Variants in ACP6 observed in about 807,000 individuals in gnomAD.
The protein encoded by ACP6 is lysophosphatidic acid phosphatase type 6.
ACP6 carries 48 observed loss-of-function variants against 48.1 expected under a neutral mutation model. That is an observed-to-expected ratio of 1.00 (90% CI 0.79 to 1.27). ACP6 has a LOEUF of 1.27. Among genes scored for constraint, ACP6 ranks in the 50% most tolerant of loss-of-function variants. The probability of loss-of-function intolerance (pLI) is 0.00; values close to 1 mark genes in which losing one functional copy is unlikely to be tolerated. For missense variants in ACP6, 485 were observed against 529.1 expected, an observed-to-expected ratio of 0.92 and a Z score of 0.82; for synonymous variants, 172 against 204.2, an observed-to-expected ratio of 0.84 and a Z score of 1.34.
At chr1:147,667,728 C>T (rs1488807947) in intron 1 of ACP6, among the ~76,000 whole-genome samples, 6 of 152,068 alleles carry the variant, frequency 3.9e-5, no homozygotes, top group African/African-American at 7.2e-5. Context: ...TGCTGGCTCA[C>T]GCCTGTAATC....
At chr1:147,634,187 A>G (rs782649150) in intron 5 of ACP6, among the ~76,000 whole-genome samples, 1 of 152,138 alleles carries the variant, frequency 6.6e-6, no homozygotes, top group Admixed American at 6.5e-5. Context: ...TTTGGTTTGC[A>G]TTTCTCTGAT....
chr1:147,641,108 G>A (rs1553208583), downstream of ACP6, among the ~76,000 whole-genome samples: 1 of 151,918 alleles, frequency 6.6e-6, no homozygotes, highest in African/African-American at 2.4e-5. Flanking sequence ...TCCCCCCACA[G>A]CCCGCCCAGC....
At position 147,648,327 on chromosome 1, in the gene ACP6, C is replaced by T. The variant is rs782743074; in HGVS notation, c.1062G>A (p.Pro354=). 14 of 1,614,026 alleles carry T rather than the reference C, an allele frequency of 8.7e-6. No individual in the cohort carries two copies. Among genetic ancestry groups the T allele is most frequent in the South Asian group, 4.4e-5 (4 of 91,086 alleles). The change falls in exon 9 of 10, where the codon CCG becomes CCA. Residue 354 remains proline, a synonymous_variant. Coordinates refer to ENST00000583509, the MANE Select transcript of ACP6 (RefSeq NM_016361.5). ...TLGIFDHKWP[P]FAVDLTMELY... ...GTTCCATGGTCAGGTCAACAGCAAA[C>T]GGTGGCCATTTGTGGTCAAAAATCC...
chr1:147,658,845 C>T, intron 4 of ACP6, 115 bp downstream of exon 4: 1 of 979,032 alleles, frequency 1.0e-6, no homozygotes, highest in Non-Finnish European at 1.5e-6. Context: ...CTGGAAGTCA[C>T]ACATGCAGGA....
chr1:147,653,895 C>T (rs1660088513), intron 6 of ACP6, among the ~76,000 whole-genome samples: 2 of 152,194 alleles, frequency 1.3e-5, no homozygotes, highest in African/African-American at 4.8e-5. Flanking sequence ...TTTTTAGACC[C>T]TACTCATCCC....
At chr1:147,666,590 G>T (rs1660808019) in intron 1 of ACP6, among the ~76,000 whole-genome samples, 1 of 152,146 alleles carries the variant, frequency 6.6e-6, no homozygotes, top group Non-Finnish European at 1.5e-5. Context: ...ACCGCATTTG[G>T]ATTATCCCCC....
intron 4 of ACP6, among the ~76,000 whole-genome samples, chr1:147,656,854 C>T (rs889141075): frequency 6.6e-6 from 1 of 152,054 alleles, no homozygotes; most frequent in Admixed American, 6.6e-5. Flanking sequence ...AAGAACAATA[C>T]AAAATAACAC....
chr1:147,647,207 C>T lies in ACP6; in HGVS notation c.*216G>A. The T allele has an allele frequency of 1.8e-6, 1 of 549,610 alleles. No homozygotes were observed. Among genetic ancestry groups the T allele is most frequent in the Middle Eastern group, 5.0e-4 (1 of 1,994 alleles). 34.0% of individuals were successfully genotyped at this position (549,610 alleles called of 1,614,324 possible). On this transcript the variant is annotated 3_prime_UTR_variant, in exon 10 of 10. Transcript: ENST00000583509. ...CAAAGATGCTTCTAACCTTAGAAACCAACTCACAAAATAGAGAAATATCCT... is the reference window on the plus strand; with the variant it reads ...CAAAGATGCTTCTAACCTTAGAAACTAACTCACAAAATAGAGAAATATCCT...
At chr1:147,631,611 C>T (rs1015863281) in intron 5 of ACP6, among the ~76,000 whole-genome samples, 16 of 152,070 alleles carry the variant, frequency 1.1e-4, no homozygotes, top group Non-Finnish European at 2.4e-4. Flanking sequence ...GTCAAGAGAT[C>T]GAGACCATCC....
chr1:147,653,213 C>T (rs1466288676), intron 6 of ACP6, among the ~76,000 whole-genome samples: 5 of 151,752 alleles, frequency 3.3e-5, no homozygotes, highest in African/African-American at 9.7e-5. Context: ...TCACTGCAAC[C>T]CCTGCCTCCC....
intron 9 of ACP6, chr1:147,647,783 AAG>A (rs1216575773): frequency 3.1e-6 from 2 of 650,824 alleles, no homozygotes; most frequent in African/African-American, 1.8e-5. Context: ...ACTGGGAAGA[AAG>A]AGTCGAGTTA....
downstream of ACP6, among the ~76,000 whole-genome samples, chr1:147,638,177 G>A (rs7524653): frequency 7.9e-3 from 1,201 of 152,314 alleles, 16 homozygotes; most frequent in African/African-American, 0.027. Flanking sequence ...TGCAGAGAAG[G>A]TTACAAGGGA....
Position 147,646,893 on chromosome 1 carries a change from T to C in ACP6, c.*530A>G, listed in dbSNP as rs1659642389. 1.3e-5 allele frequency: 2 copies of C among 154,308 alleles called. No individual in the cohort carries two copies. The highest frequency in any genetic ancestry group is 3.8e-4 in the East Asian group (2 of 5,230). 9.6% of individuals were successfully genotyped at this position (154,308 alleles called of 1,614,324 possible). A position where few individuals can be genotyped will look rare whatever the true frequency, so the allele number is the denominator to read the frequency against. On this transcript the variant is annotated 3_prime_UTR_variant, in exon 10 of 10. Transcript: ENST00000583509. ...GCCAGGACTTTTTCAGAAGCCTTCC[T>C]TGACTGTTCCCCACATCCCCTGCCA...
At chr1:147,652,716 G>A (rs1475773835) in intron 6 of ACP6, 167 bp from the exon 7 acceptor site, 2 of 1,411,396 alleles carry the variant, frequency 1.4e-6, no homozygotes, top group Admixed American at 3.9e-5. Flanking sequence ...TGTCTCTAAA[G>A]CTCTTCCAAA....
downstream of ACP6, among the ~76,000 whole-genome samples, chr1:147,640,791 C>T (rs782674544): frequency 7.2e-5 from 11 of 152,298 alleles, no homozygotes; most frequent in Middle Eastern, 3.4e-3. Context: ...AAACGGAGAG[C>T]GGAATCCTGA....
intron 4 of ACP6, among the ~76,000 whole-genome samples, chr1:147,655,619 T>C (rs935634937): frequency 1.3e-5 from 2 of 152,118 alleles, no homozygotes; most frequent in African/African-American, 4.8e-5. Context: ...TAATAAATAA[T>C]AGTGTTATCA....
intron 5 of ACP6, among the ~76,000 whole-genome samples, chr1:147,633,130 T>A (rs1659212668): frequency 6.6e-6 from 1 of 152,166 alleles, no homozygotes; most frequent in South Asian, 2.1e-4. Flanking sequence ...ATTTAGAAAA[T>A]TCTGCCGCCT....
At chr1:147,666,431 A>G (rs1379519756) in intron 1 of ACP6, among the ~76,000 whole-genome samples, 1 of 152,220 alleles carries the variant, frequency 6.6e-6, no homozygotes, top group Non-Finnish European at 1.5e-5. Context: ...ACTACATTCC[A>G]GGTAAAAGAA....
In ACP6 at chr1:147,652,499, G is replaced by A. The variant is rs782379115; in HGVS notation, c.831C>T (p.Ile277=). The change falls in exon 7 of 10, where the codon ATC becomes ATT. Residue 277 remains isoleucine (I), a synonymous_variant. Coordinates refer to ENST00000583509, the MANE Select transcript of ACP6 (RefSeq NM_016361.5). ...CPMLKRFARM[I]EQRAVDTSLY... is the part of the protein sequence containing the mutation. The stretch of plus-strand genomic sequence containing the variant: ...AGGATGTGTCCACAGCTCTCTGTTC[G>A]ATCATCCTTGCAAATCTCTTCAGCA... 25 of 1,614,066 alleles carry A rather than the reference G, an allele frequency of 1.5e-5. No homozygotes were observed. The highest frequency in any genetic ancestry group is 2.2e-5 in the East Asian group (1 of 44,862).
Sources: gnomAD v4.1 joint callset for allele counts (sites outside exome capture counted in the v4.1 genomes callset) on GRCh38, gnomAD v4.1.1 for gene constraint, MANE v1.5 for transcripts, NCBI Gene and HGNC (gene_info 2026-07-23, HGNC 2026-07-21) for gene names.